SPAG16: variants seen among roughly 807,000 people sequenced by gnomAD.
The protein encoded by SPAG16 is sperm-associated antigen 16 protein.
Under a neutral mutation model 80.4 loss-of-function variants are expected in SPAG16, and 86 were observed. The observed-to-expected ratio is 1.07, with a 90% confidence interval of 0.90 to 1.28. SPAG16 has a LOEUF of 1.28. SPAG16 is among the 50% of genes most tolerant of loss of function. The pLI is 0.00. For synonymous variants in SPAG16, 294 were observed against 265.9 expected (o/e 1.11, Z -1.03); for missense variants, 870 against 765.3 (o/e 1.14, Z -1.61).
intron 9 of SPAG16, among the ~76,000 whole-genome samples, chr2:213,390,942 T>C (rs1231600800): frequency 1.3e-5 from 2 of 152,272 alleles, no homozygotes; most frequent in East Asian, 3.9e-4. Flanking sequence ...TGAGTTTTCA[T>C]TTTTGCCCAT....
At chr2:213,523,680 G>A (rs189053221) in intron 10 of SPAG16, among the ~76,000 whole-genome samples, 345 of 152,322 alleles carry the variant, frequency 2.3e-3, no homozygotes, top group Non-Finnish European at 3.8e-3. Flanking sequence ...AAACAATGAA[G>A]TCCAGGCTGA....
chr2:214,332,052 G>C (rs139443815), intron 15 of SPAG16, among the ~76,000 whole-genome samples: 13 of 152,310 alleles, frequency 8.5e-5, no homozygotes, highest in African/African-American at 2.9e-4. Context: ...AGGAGTTCAA[G>C]ATCAGCATGG....
intron 11 of SPAG16, among the ~76,000 whole-genome samples, chr2:213,922,955 T>C (rs775752803): frequency 3.3e-5 from 5 of 152,182 alleles, no homozygotes; most frequent in Admixed American, 1.3e-4. Context: ...TGGGGAAACA[T>C]GGGGTTGCAC....
At chr2:213,886,555 A>G (rs149721878) in intron 11 of SPAG16, among the ~76,000 whole-genome samples, 2 of 152,232 alleles carry the variant, frequency 1.3e-5, no homozygotes, top group East Asian at 1.9e-4. Context: ...AAACATGAGA[A>G]TAAAATCCAC....
chr2:213,370,767 A>C (rs571723901), intron 8 of SPAG16, among the ~76,000 whole-genome samples: 1 of 152,320 alleles, frequency 6.6e-6, no homozygotes, highest in South Asian at 2.1e-4. Context: ...AGTCTAATTC[A>C]TACAAGAACA....
intron 13 of SPAG16, among the ~76,000 whole-genome samples, chr2:214,107,134 A>C (rs1044757337): frequency 7.2e-5 from 11 of 152,110 alleles, no homozygotes; most frequent in African/African-American, 2.7e-4. Flanking sequence ...CCCAAATCCC[A>C]AAATTCCTAC....
intron 15 of SPAG16, among the ~76,000 whole-genome samples, chr2:214,149,493 G>A (rs1239160031): frequency 1.3e-5 from 2 of 151,940 alleles, no homozygotes; most frequent in Admixed American, 6.6e-5. Flanking sequence ...GTGATAATGT[G>A]TACTAATCTA....
chr2:213,351,820 T>C (rs2065344614), intron 7 of SPAG16, among the ~76,000 whole-genome samples: 1 of 152,114 alleles, frequency 6.6e-6, no homozygotes, highest in African/African-American at 2.4e-5. Flanking sequence ...GAATTTAATT[T>C]TGTGTTTTGA....
intron 13 of SPAG16, among the ~76,000 whole-genome samples, chr2:214,051,324 G>T (rs13002822): frequency 0.079 from 12,055 of 152,154 alleles, 607 homozygotes; most frequent in East Asian, 0.23. Context: ...ACTAAGGGTA[G>T]AAATAAGAAG....
intron 10 of SPAG16, among the ~76,000 whole-genome samples, chr2:213,671,972 T>C (rs1157839935): frequency 6.6e-6 from 1 of 152,230 alleles, no homozygotes; most frequent in African/African-American, 2.4e-5. Flanking sequence ...AAATATTTAT[T>C]ATGCATCATC....
chr2:213,963,837 T>C (rs756006695), intron 12 of SPAG16, among the ~76,000 whole-genome samples: 2 of 152,070 alleles, frequency 1.3e-5, no homozygotes, highest in South Asian at 4.1e-4. Context: ...TTAGTATAGT[T>C]ACTCCAACTC....
At chr2:214,267,005 T>C (rs1443556149) in intron 15 of SPAG16, among the ~76,000 whole-genome samples, 1 of 151,790 alleles carries the variant, frequency 6.6e-6, no homozygotes, top group African/African-American at 2.4e-5. Context: ...AAAATGTCCA[T>C]ACTACCCAAA....
At chr2:213,597,104 C>T (rs560131583) in intron 10 of SPAG16, among the ~76,000 whole-genome samples, 4 of 152,248 alleles carry the variant, frequency 2.6e-5, no homozygotes, top group Non-Finnish European at 5.9e-5. Context: ...GCAGAAGTGA[C>T]CTTGTCACAA....
At chr2:213,346,549 A>G (rs1044976323) in intron 6 of SPAG16, among the ~76,000 whole-genome samples, 6 of 152,198 alleles carry the variant, frequency 3.9e-5, no homozygotes, top group African/African-American at 1.4e-4. Context: ...ATTTTGAGAT[A>G]CGTCCCATCA....
chr2:213,518,068 C>G (rs2075508618), intron 10 of SPAG16, among the ~76,000 whole-genome samples: 2 of 152,152 alleles, frequency 1.3e-5, no homozygotes, highest in African/African-American at 4.8e-5. Flanking sequence ...TGGCAAAGGC[C>G]TAGTATCTAG....
At chr2:213,602,040 T>A (rs1009036566) in intron 10 of SPAG16, among the ~76,000 whole-genome samples, 7 of 152,210 alleles carry the variant, frequency 4.6e-5, no homozygotes, top group Non-Finnish European at 1.5e-5. Flanking sequence ...TGTGAGAATC[T>A]AATGCCACTA....
intron 15 of SPAG16, among the ~76,000 whole-genome samples, chr2:214,280,134 A>G (rs1306357745): frequency 6.6e-6 from 1 of 152,226 alleles, no homozygotes; most frequent in East Asian, 1.9e-4. Flanking sequence ...AAATGATCAA[A>G]TAGAGATGAT....
chr2:213,646,164 A>G (rs2062816654), intron 10 of SPAG16, among the ~76,000 whole-genome samples: 2 of 152,100 alleles, frequency 1.3e-5, no homozygotes, highest in South Asian at 2.1e-4. Context: ...TGTTTTTCCT[A>G]TCCCTTCAGT....
chr2:213,592,160 A>G (rs1187464057), intron 10 of SPAG16, among the ~76,000 whole-genome samples: 1 of 152,204 alleles, frequency 6.6e-6, no homozygotes, highest in East Asian at 1.9e-4. Context: ...ACAAAAGAAG[A>G]CCTCTAATAC....
Sources: gnomAD v4.1 joint callset for allele counts (sites outside exome capture counted in the v4.1 genomes callset) on GRCh38, gnomAD v4.1.1 for gene constraint, MANE v1.5 for transcripts, NCBI Gene and HGNC (gene_info 2026-07-23, HGNC 2026-07-21) for gene names.